Variants in SEPTIN10 observed in about 807,000 individuals in gnomAD.
SEPTIN10 encodes the protein septin 10.
In SEPTIN10, 66 loss-of-function variants were observed where a neutral mutation model predicts 54.8. The ratio of observed to expected loss-of-function variants is 1.21; its 90% CI spans 0.99 to 1.48. SEPTIN10 has a LOEUF of 1.48. Among genes scored for constraint, SEPTIN10 ranks in the 40% most tolerant of loss-of-function variants. SEPTIN10 has a pLI of 0.00. For missense variants in SEPTIN10, 620 were observed against 545.6 expected, an observed-to-expected ratio of 1.14 and a Z score of -1.36; for synonymous variants, 161 against 181.0, an observed-to-expected ratio of 0.89 and a Z score of 0.89.
chr2:109,552,822 T>C (rs1683322724), intron 9 of SEPTIN10: 2 of 370,470 alleles, frequency 5.4e-6, no homozygotes, highest in African/African-American at 2.1e-5. Flanking sequence ...AGAGGGTAGC[T>C]GCTGCAGCTT....
At chr2:109,590,267 G>A (rs1693718790) in intron 2 of SEPTIN10, among the ~76,000 whole-genome samples, 2 of 151,814 alleles carry the variant, frequency 1.3e-5, no homozygotes, top group South Asian at 4.2e-4. Flanking sequence ...CGCTAACACC[G>A]ATGCCCCTGG....
At chr2:109,556,164 C>A (rs1395183266) in intron 8 of SEPTIN10, among the ~76,000 whole-genome samples, 1 of 152,172 alleles carries the variant, frequency 6.6e-6, no homozygotes, top group African/African-American at 2.4e-5. Context: ...TGGAACTCTA[C>A]CAGTAGCTGC....
intron 4 of SEPTIN10, among the ~76,000 whole-genome samples, chr2:109,575,552 A>G (rs370241631): frequency 9.2e-5 from 14 of 152,372 alleles, no homozygotes; most frequent in African/African-American, 3.1e-4. Context: ...ATCAAATCAC[A>G]GTGCATGTGC....
intron 1 of SEPTIN10, among the ~76,000 whole-genome samples, chr2:109,603,256 A>T (rs970315043): frequency 8.6e-5 from 13 of 150,668 alleles, no homozygotes; most frequent in African/African-American, 2.9e-4. Flanking sequence ...TTTTTTTTTG[A>T]GACAGTCTCA....
Position 109,585,231 on chromosome 2 carries a change from A to G in SEPTIN10, c.308T>C (p.Val103Ala). The change falls in exon 4 of 11, where the codon GTT (valine) becomes GCT (alanine). Residue 103 changes from valine (V) to alanine (A), a missense_variant. Val to Ala is a moderately conservative substitution (Grantham distance 64). Coordinates refer to ENST00000397712, the MANE Select transcript of SEPTIN10 (RefSeq NM_144710.5). Reference protein sequence around the residue: ...DYESSHFCPNVKLKAQTYELQ... With the variant: ...DYESSHFCPNAKLKAQTYELQ... ...TTCATATGTCTGAGCTTTAAGTTTA[A>G]CATTTGGGCAAAAATGTGAGGATTC... 1 of 1,613,160 alleles carries G rather than the reference A, an allele frequency of 6.2e-7. No homozygotes were observed. Among genetic ancestry groups the G allele is most frequent in the Non-Finnish European group, 8.5e-7 (1 of 1,179,450 alleles).
intron 1 of SEPTIN10, among the ~76,000 whole-genome samples, chr2:109,597,221 A>T (rs1238821258): frequency 6.6e-6 from 1 of 152,240 alleles, no homozygotes; most frequent in Admixed American, 6.5e-5. Flanking sequence ...GATTATAGGC[A>T]TGAGCCACCG....
intron 9 of SEPTIN10, 127 bp downstream of exon 9, chr2:109,552,960 G>A (rs141986131): frequency 7.1e-5 from 75 of 1,062,854 alleles, no homozygotes; most frequent in East Asian, 6.8e-4. Flanking sequence ...ACTATGTGTT[G>A]GAAAAGCTAC....
At position 109,547,417 on chromosome 2, in the gene SEPTIN10, A is replaced by AT. The variant is rs796424626; in HGVS notation, c.1162-1181dup. Among the ~76,000 whole-genome samples the AT allele has an allele frequency of 2.7e-5, 4 of 149,766 alleles. 1 individual carries two copies. Among genetic ancestry groups the AT allele is most frequent in the African/African-American group, 9.8e-5 (4 of 40,760 alleles). ...AATCTGAAAATAAGGGGTCATTCCA[A>AT]TAAGAACCTATAGGGGTTATTCTTC... On this transcript the variant is annotated intron_variant, in intron 9 of 10. Coordinates refer to ENST00000397712, the MANE Select transcript of SEPTIN10 (RefSeq NM_144710.5).
chr2:109,596,477 C>G (rs528299349), intron 1 of SEPTIN10, among the ~76,000 whole-genome samples: 11 of 152,028 alleles, frequency 7.2e-5, no homozygotes, highest in African/African-American at 2.7e-4. Flanking sequence ...ATTAGCCGAG[C>G]GTGCTGGCAG....
chr2:109,588,448 G>A (rs1256191593), intron 2 of SEPTIN10, among the ~76,000 whole-genome samples: 2 of 152,116 alleles, frequency 1.3e-5, no homozygotes, highest in Non-Finnish European at 2.9e-5. Context: ...CAGGAGGACT[G>A]AAGGAATATT....
intron 8 of SEPTIN10, among the ~76,000 whole-genome samples, chr2:109,554,153 C>A (rs369043246): frequency 6.6e-6 from 1 of 151,944 alleles, no homozygotes; most frequent in African/African-American, 2.4e-5. Flanking sequence ...AATTAATTAC[C>A]CAATTTTTGG....
chr2:109,546,031 G>A lies in SEPTIN10; in HGVS notation c.1349+19C>T. 6.5e-7 allele frequency: 1 copy of A among 1,549,038 alleles called. No individual in the cohort carries two copies. Among genetic ancestry groups the A allele is most frequent in the South Asian group, 1.2e-5 (1 of 80,002 alleles). ...CAAGTGTGGGCAGGGCTGCCAGGGA[G>A]GGTGGCTGGGCCTCTTACTTCTTAC... On this transcript the variant is annotated intron_variant, in intron 10 of 10. Coordinates refer to ENST00000397712, the MANE Select transcript of SEPTIN10 (RefSeq NM_144710.5).
At chr2:109,548,507 AAGTTGTC>A (rs1681920124) in intron 9 of SEPTIN10, among the ~76,000 whole-genome samples, 1 of 152,140 alleles carries the variant, frequency 6.6e-6, no homozygotes, top group African/African-American at 2.4e-5. Flanking sequence ...CTAAGACACC[AAGTTGTC>A]TAGAAAGGGG....
At chr2:109,550,316 T>C (rs2104699928) in intron 9 of SEPTIN10, among the ~76,000 whole-genome samples, 1 of 150,924 alleles carries the variant, frequency 6.6e-6, no homozygotes, top group East Asian at 2.0e-4. Context: ...AGTATCTTTT[T>C]TTTTTTTGTT....
chr2:109,585,539 T>C (rs768106015), intron 3 of SEPTIN10, among the ~76,000 whole-genome samples, 182 bp downstream of exon 3: 3 of 152,176 alleles, frequency 2.0e-5, no homozygotes, highest in Non-Finnish European at 2.9e-5. Context: ...GAGATGTTTA[T>C]ATAACAAGCC....
rs145891475 is a variant in SEPTIN10 at position 109,550,800 on chromosome 2, T to TC, written c.1161+2286dup. ...TCGGCTGCCCTCTGTGCAAACCCCT[T>TC]CTTCGTACCCTGTATTATAAGGCTC... On this transcript the variant is annotated intron_variant, in intron 9 of 10. Transcript: ENST00000397712. Among the ~76,000 whole-genome samples, 1,008 of 152,292 alleles carry TC rather than the reference T, an allele frequency of 6.6e-3. 8 individuals carry two copies. Among genetic ancestry groups the TC allele is most frequent in the African/African-American group, 0.023 (948 of 41,556 alleles).
At chr2:109,598,872 T>C (rs1297531354) in intron 1 of SEPTIN10, among the ~76,000 whole-genome samples, 2 of 151,498 alleles carry the variant, frequency 1.3e-5, no homozygotes, top group East Asian at 3.9e-4. Context: ...AGAGTGAGAC[T>C]AGGTCTCAAA....
At position 109,564,426 on chromosome 2, in the gene SEPTIN10, C is replaced by A; in HGVS notation, c.968G>T (p.Arg323Met). The change falls in exon 8 of 11, where the codon AGG becomes ATG. Residue 323 changes from arginine (R) to methionine (M), a missense_variant. Arg to Met is a moderately conservative substitution (Grantham distance 91). Coordinates refer to ENST00000397712, the MANE Select transcript of SEPTIN10 (RefSeq NM_144710.5). ...GCCCATTTCCTCCAGTTTGCAGCGC[C>A]TGTAAAGCTCATAGTGCCTGGTATG... is the stretch of plus-strand genomic sequence containing the variant. The part of the protein sequence containing the change: ...QTHTRHYELY[R>M]RCKLEEMGFT... 1 of 1,598,380 alleles carries A rather than the reference C, an allele frequency of 6.3e-7. No homozygotes were observed. Among genetic ancestry groups the A allele is most frequent in the South Asian group, 1.1e-5 (1 of 87,704 alleles).
chr2:109,597,149 C>G (rs1020456191), intron 1 of SEPTIN10, among the ~76,000 whole-genome samples: 10 of 152,090 alleles, frequency 6.6e-5, no homozygotes, highest in Non-Finnish European at 1.2e-4. Flanking sequence ...CTCTGTTGCC[C>G]AGGCTGGTCT....
Sources: gnomAD v4.1 joint callset for allele counts (sites outside exome capture counted in the v4.1 genomes callset) on GRCh38, gnomAD v4.1.1 for gene constraint, MANE v1.5 for transcripts, NCBI Gene and HGNC (gene_info 2026-07-23, HGNC 2026-07-21) for gene names.